Variants in PRUNE2 observed in about 807,000 individuals in gnomAD.
PRUNE2 encodes protein prune homolog 2.
A neutral mutation model predicts 252.0 loss-of-function variants in PRUNE2; 164 were observed. That is an observed-to-expected ratio of 0.65 (90% CI 0.57 to 0.74). The LOEUF is 0.74. Ranked by LOEUF, PRUNE2 falls within the 30% of genes least tolerant of loss-of-function variation. PRUNE2 has a pLI of 0.00. For missense variants in PRUNE2, 3,495 were observed against 3,711.0 expected (o/e 0.94, Z 1.51); for synonymous variants, 1,292 against 1,350.2 (o/e 0.96, Z 0.94).
At chr9:76,643,639 T>C (rs548155829) in intron 12 of PRUNE2, among the ~76,000 whole-genome samples, 11 of 152,280 alleles carry the variant, frequency 7.2e-5, no homozygotes, top group African/African-American at 2.6e-4. Context: ...ATATTTCCAT[T>C]TCAGGTCAAA....
chr9:76,790,385 T>A (rs1036292803), intron 6 of PRUNE2, among the ~76,000 whole-genome samples: 2 of 152,126 alleles, frequency 1.3e-5, no homozygotes, highest in African/African-American at 4.8e-5. Context: ...AGTTAACTAG[T>A]TAATGGGGAA....
chr9:76,698,808 T>C (rs1194166910), intron 9 of PRUNE2, among the ~76,000 whole-genome samples: 1 of 151,982 alleles, frequency 6.6e-6, no homozygotes, highest in Admixed American at 6.6e-5. Flanking sequence ...TTATCAGACA[T>C]GAAAAAAGGT....
chr9:76,841,927 C>T (rs1409805237), intron 4 of PRUNE2, among the ~76,000 whole-genome samples: 2 of 152,148 alleles, frequency 1.3e-5, no homozygotes, highest in South Asian at 2.1e-4. Flanking sequence ...AATCTGCTAT[C>T]CCTATTGAAT....
At chr9:76,837,583 G>C (rs1290240922) in intron 4 of PRUNE2, among the ~76,000 whole-genome samples, 5 of 151,392 alleles carry the variant, frequency 3.3e-5, no homozygotes, top group Admixed American at 3.3e-4. Flanking sequence ...GATAGAGCAG[G>C]GGTATTTCTA....
intron 1 of PRUNE2, among the ~76,000 whole-genome samples, chr9:76,883,849 A>C (rs1434813005): frequency 1.3e-5 from 2 of 152,150 alleles, no homozygotes; most frequent in African/African-American, 4.8e-5. Context: ...CATCCCTTGA[A>C]TCTAGACTTG....
At chr9:76,791,143 T>C (rs1395987344) in intron 6 of PRUNE2, among the ~76,000 whole-genome samples, 1 of 152,210 alleles carries the variant, frequency 6.6e-6, no homozygotes, top group Non-Finnish European at 1.5e-5. Flanking sequence ...GAGTAAGTTC[T>C]GTGGACCTAA....
At chr9:76,849,868 A>G (rs1434912495) in intron 3 of PRUNE2, among the ~76,000 whole-genome samples, 1 of 151,372 alleles carries the variant, frequency 6.6e-6, no homozygotes, top group African/African-American at 2.4e-5. Context: ...AACCCCCTAT[A>G]ATTTGGTCAA....
chr9:76,853,833 C>T, intron 2 of PRUNE2, among the ~76,000 whole-genome samples: 1 of 152,112 alleles, frequency 6.6e-6, no homozygotes, highest in East Asian at 1.9e-4. Context: ...CTATTATGAA[C>T]ACTTTAAATG....
intron 6 of PRUNE2, among the ~76,000 whole-genome samples, chr9:76,776,947 A>AC (rs1564280253): frequency 4.6e-5 from 5 of 108,518 alleles, no homozygotes; most frequent in Admixed American, 1.9e-4. Flanking sequence ...CACACACACA[A>AC]AGGGCCTGGA....
At chr9:76,878,490 G>C (rs1426810200) in intron 1 of PRUNE2, among the ~76,000 whole-genome samples, 1 of 152,192 alleles carries the variant, frequency 6.6e-6, no homozygotes, top group Non-Finnish European at 1.5e-5. Context: ...TGAATCCTTA[G>C]AGAGAAGCTC....
At chr9:76,755,535 G>A (rs2051062022) in intron 6 of PRUNE2, among the ~76,000 whole-genome samples, 1 of 152,234 alleles carries the variant, frequency 6.6e-6, no homozygotes, top group South Asian at 2.1e-4. Flanking sequence ...AAGAACGCTG[G>A]GAGGAGAGGG....
At position 76,652,585 on chromosome 9, in the gene PRUNE2, T is replaced by A; in HGVS notation, c.8455A>T (p.Ile2819Phe). 6.2e-7 allele frequency: 1 copy of A among 1,612,678 alleles called. No individual in the cohort carries two copies. Among genetic ancestry groups the A allele is most frequent in the Non-Finnish European group, 8.5e-7 (1 of 1,178,730 alleles). Reference protein sequence around the residue: ...NLSLDQSEGSILSDDNLDSPD... With the variant: ...NLSLDQSEGSFLSDDNLDSPD... ...CTGTCCAAGTTATCATCAGAGAGAATAGATCCTTCACTTTGGTCCAGAGAA... is the reference window on the plus strand; with the variant it reads ...CTGTCCAAGTTATCATCAGAGAGAAAAGATCCTTCACTTTGGTCCAGAGAA... The change falls in exon 11 of 19, where the codon ATT (isoleucine) becomes TTT (phenylalanine). Residue 2819 changes from isoleucine to phenylalanine, a missense_variant. Ile to Phe is a conservative substitution (Grantham distance 21, BLOSUM62 0). Transcript: ENST00000376718.
At chr9:76,690,577 A>G (rs1437191232) in intron 9 of PRUNE2, among the ~76,000 whole-genome samples, 1 of 152,234 alleles carries the variant, frequency 6.6e-6, no homozygotes, top group African/African-American at 2.4e-5. Context: ...CTCAAGATTG[A>G]GAAACCAAGT....
At chr9:76,827,450 C>T (rs1220710191) in intron 4 of PRUNE2, among the ~76,000 whole-genome samples, 1 of 152,134 alleles carries the variant, frequency 6.6e-6, no homozygotes, top group Non-Finnish European at 1.5e-5. Flanking sequence ...GCACCCCATA[C>T]GTACTCTTAC....
chr9:76,663,104 T>C (rs2039435218), intron 9 of PRUNE2, among the ~76,000 whole-genome samples: 1 of 152,196 alleles, frequency 6.6e-6, no homozygotes, highest in South Asian at 2.1e-4. Flanking sequence ...AGAGTACTTA[T>C]CAAATTACTC....
chr9:76,665,283 T>G (rs2039908248), intron 9 of PRUNE2, among the ~76,000 whole-genome samples: 1 of 152,162 alleles, frequency 6.6e-6, no homozygotes, highest in Non-Finnish European at 1.5e-5. Flanking sequence ...TTGCCAATCT[T>G]GCTGTCCTGT....
chr9:76,794,326 G>A (rs1053404461), intron 6 of PRUNE2, among the ~76,000 whole-genome samples: 90 of 152,290 alleles, frequency 5.9e-4, no homozygotes, highest in African/African-American at 2.0e-3. Context: ...GGCAAAGAGC[G>A]CGGCCTCCGA....
At chr9:76,717,556 T>C (rs888553529) in intron 6 of PRUNE2, among the ~76,000 whole-genome samples, 13 of 152,162 alleles carry the variant, frequency 8.5e-5, no homozygotes, top group African/African-American at 3.1e-4. Context: ...GTTAATCTGC[T>C]CAAATGTCTC....
rs199861647 is a variant in PRUNE2 at position 76,624,435 on chromosome 9, C to T, written c.9188+17G>A. On this transcript the variant is annotated intron_variant, in intron 17 of 18. Coordinates refer to ENST00000376718, the MANE Select transcript of PRUNE2 (RefSeq NM_015225.3). The stretch of plus-strand genomic sequence containing the variant: ...AGCCAACATCATGCCAGCCGCTAAA[C>T]GAAAACCAAGTCTTACTTAGCTGCC... The T allele has an allele frequency of 2.3e-5, 33 of 1,408,144 alleles. No homozygotes were observed. Among genetic ancestry groups the T allele is most frequent in the African/African-American group, 2.3e-4 (16 of 68,460 alleles). The allele number at this position is 1,408,144 out of a possible 1,614,324, so 87.2% of individuals were successfully genotyped here.
Sources: gnomAD v4.1 joint callset for allele counts (sites outside exome capture counted in the v4.1 genomes callset) on GRCh38, gnomAD v4.1.1 for gene constraint, MANE v1.5 for transcripts, NCBI Gene and HGNC (gene_info 2026-07-23, HGNC 2026-07-21) for gene names.